MOK: variants seen among roughly 807,000 people sequenced by gnomAD.
The protein encoded by MOK is MOK protein kinase, also known as MAPK/MAK/MRK overlapping kinase.
In MOK, 59 loss-of-function variants were observed where a neutral mutation model predicts 54.2. The ratio of observed to expected loss-of-function variants is 1.09; its 90% CI spans 0.88 to 1.35. The LOEUF (loss-of-function observed/expected upper bound fraction) is 1.35. Ranked by LOEUF, MOK falls within the 40% of genes most tolerant of loss-of-function variation. The pLI, the probability that MOK is intolerant of heterozygous loss-of-function variation, is 0.00. For missense variants in MOK, 517 were observed against 526.2 expected (o/e 0.98, Z 0.17); for synonymous variants, 210 against 202.7 (o/e 1.04, Z -0.31).
At chr14:102,244,154 G>C (rs1157382063) in intron 7 of MOK, among the ~76,000 whole-genome samples, 2 of 152,182 alleles carry the variant, frequency 1.3e-5, no homozygotes, top group Non-Finnish European at 2.9e-5. Flanking sequence ...GTCATTCACT[G>C]CAAGGGCCAT....
chr14:102,222,874 TG>T (rs1567111876), downstream of MOK: 1 of 1,614,210 alleles, frequency 6.2e-7, no homozygotes, highest in East Asian at 2.2e-5. This position sits in a 1 kb window ranked among gnomAD's most constrained non-coding sequence, Gnocchi z 4.4. Context: ...CAGGTGGAAC[TG>T]TAGTGTAGCG....
intron 1 of MOK, among the ~76,000 whole-genome samples, chr14:102,293,937 G>T (rs1033555487): frequency 6.6e-6 from 1 of 152,066 alleles, no homozygotes; most frequent in Non-Finnish European, 1.5e-5. Context: ...TAAGTGCCAC[G>T]AAAAACATGA....
At chr14:102,220,255 G>C (rs1161944711), downstream of MOK, among the ~76,000 whole-genome samples, 1 of 152,176 alleles carries the variant, frequency 6.6e-6, no homozygotes, top group Non-Finnish European at 1.5e-5. The surrounding 1 kb of genome is among the most constrained non-coding windows in gnomAD (Gnocchi z 4.2). Context: ...GAAGGGTGCT[G>C]TCCCTCATGG....
intron 7 of MOK, among the ~76,000 whole-genome samples, chr14:102,241,393 G>C (rs755498813): frequency 6.6e-6 from 1 of 152,168 alleles, no homozygotes; most frequent in Admixed American, 6.5e-5. Context: ...CACGTGGGGA[G>C]ACTAGCCCTC....
rs965932130 is a variant in MOK at position 102,270,102 on chromosome 14, T to C, written c.123-4190A>G. 1.1e-4 allele frequency among the ~76,000 whole-genome samples: 16 copies of C among 152,188 alleles called. 1 individual carries two copies. The highest frequency in any genetic ancestry group is 3.6e-4 in the African/African-American group (15 of 41,444). On this transcript the variant is annotated intron_variant, in intron 2 of 11. Coordinates refer to ENST00000361847, the MANE Select transcript of MOK (RefSeq NM_014226.3). Reference sequence around the variant, plus strand: ...GTTCTCAGACCACAATGGATTAAATTAGAAATCAGTACAGTAAGTTATCTA... The same window carrying C: ...GTTCTCAGACCACAATGGATTAAATCAGAAATCAGTACAGTAAGTTATCTA...
intron 1 of MOK, among the ~76,000 whole-genome samples, chr14:102,293,069 G>A (rs2070948221): frequency 6.6e-6 from 1 of 152,128 alleles, no homozygotes; most frequent in South Asian, 2.1e-4. Flanking sequence ...GGAGGCGGAG[G>A]TTGCAGTGAG....
intron 2 of MOK, among the ~76,000 whole-genome samples, chr14:102,269,820 A>C (rs1476867584): frequency 6.6e-6 from 1 of 152,186 alleles, no homozygotes; most frequent in Non-Finnish European, 1.5e-5. Flanking sequence ...GACAATACTA[A>C]AGAAAGAGAT....
intron 1 of MOK, among the ~76,000 whole-genome samples, chr14:102,286,988 C>A (rs988294658): frequency 7.2e-5 from 11 of 151,782 alleles, no homozygotes; most frequent in African/African-American, 2.7e-4. Flanking sequence ...TTAATACTGG[C>A]TCTGTCTGAG....
the MOK span, among the ~76,000 whole-genome samples, chr14:102,218,065 G>T: frequency 6.6e-6 from 1 of 152,246 alleles, no homozygotes; most frequent in Non-Finnish European, 1.5e-5. Context: ...TGTTGTGGCT[G>T]TGTAGAACCA....
At chr14:102,243,358 A>G (rs1022770642) in intron 7 of MOK, among the ~76,000 whole-genome samples, 1 of 152,100 alleles carries the variant, frequency 6.6e-6, no homozygotes, top group Non-Finnish European at 1.5e-5. Flanking sequence ...CATTACACAG[A>G]GCCAAAGTGC....
At chr14:102,218,737 G>A in the MOK span, among the ~76,000 whole-genome samples, 1 of 152,080 alleles carries the variant, frequency 6.6e-6, no homozygotes, top group Admixed American at 6.5e-5. Flanking sequence ...TTAGAGCCAA[G>A]GCTTGCCCCG....
downstream of MOK, among the ~76,000 whole-genome samples, chr14:102,222,533 G>C (rs1188080780): frequency 6.6e-6 from 1 of 152,194 alleles, no homozygotes; most frequent in Non-Finnish European, 1.5e-5. This position sits in a 1 kb window ranked among gnomAD's most constrained non-coding sequence, Gnocchi z 4.4. Context: ...CAAAGAACCT[G>C]TTCTCAGGTG....
intron 7 of MOK, among the ~76,000 whole-genome samples, chr14:102,241,472 CCTTTTT>C (rs1680257671): frequency 6.6e-6 from 1 of 152,222 alleles, no homozygotes; most frequent in Non-Finnish European, 1.5e-5. Context: ...GGTTAATGCT[CCTTTTT>C]CTTTATCTGA....
At chr14:102,299,145 T>C (rs1346622833) in intron 1 of MOK, among the ~76,000 whole-genome samples, 1 of 151,822 alleles carries the variant, frequency 6.6e-6, no homozygotes, top group Admixed American at 6.6e-5. Flanking sequence ...GAAAGACAAA[T>C]TACTTGACTC....
At chr14:102,229,738 G>T in intron 10 of MOK, 81 bp from the exon 11 acceptor site, 1 of 1,258,440 alleles carries the variant, frequency 7.9e-7, no homozygotes, top group Non-Finnish European at 1.1e-6. Flanking sequence ...AGGCTCTTTT[G>T]TACTGCTTTT....
At position 102,245,804 on chromosome 14, in the gene MOK, A is replaced by T. The variant is rs982231031; in HGVS notation, c.590+5008T>A. 1.3e-5 allele frequency among the ~76,000 whole-genome samples: 2 copies of T among 152,100 alleles called. No homozygotes were observed. Among genetic ancestry groups the T allele is most frequent in the Admixed American group, 6.5e-5 (1 of 15,270 alleles). On this transcript the variant is annotated intron_variant, in intron 7 of 11. Coordinates refer to ENST00000361847, the MANE Select transcript of MOK (RefSeq NM_014226.3). The surrounding 1 kb of genome is among the most constrained non-coding windows in gnomAD (Gnocchi z 4.3). ...CCTACTGCAGCCAAACTCTCAGGAC[A>T]TACCCCCTAGTATCACCTTTCCAGG...
In MOK at chr14:102,297,424, A is replaced by C. The variant is rs559315752; in HGVS notation, c.7+7538T>G. ...TAAAAACAAAAATTGATGCTCACAG[A>C]AGGAGATGAAAAGGATTATTTGAGG... is the stretch of plus-strand genomic sequence containing the variant. On this transcript the variant is annotated intron_variant, in intron 1 of 11. Coordinates refer to ENST00000361847, the MANE Select transcript of MOK (RefSeq NM_014226.3). Among the ~76,000 whole-genome samples, 3 of 152,374 alleles carry C rather than the reference A, an allele frequency of 2.0e-5. No individual in the cohort carries two copies. The South Asian group carries it at 6.2e-4, about 32-fold the overall frequency.
At chr14:102,223,353 C>T (rs568796313), downstream of MOK, 2 of 152,698 alleles carry the variant, frequency 1.3e-5, no homozygotes, top group East Asian at 1.9e-4. Flanking sequence ...TAATGTAATT[C>T]AGGAAGACAG....
At chr14:102,275,176 C>G (rs1242945080) in intron 2 of MOK, among the ~76,000 whole-genome samples, 2 of 152,082 alleles carry the variant, frequency 1.3e-5, no homozygotes, top group East Asian at 3.8e-4. Flanking sequence ...CAAGGAAAGT[C>G]TTTTTTTAAC....
Sources: gnomAD v4.1 joint callset for allele counts (sites outside exome capture counted in the v4.1 genomes callset) on GRCh38, gnomAD v4.1.1 for gene constraint, Gnocchi (gnomAD v3.1) non-coding constraint, MANE v1.5 for transcripts, NCBI Gene and HGNC (gene_info 2026-07-23, HGNC 2026-07-21) for gene names.